Variants in SDF4 observed in about 807,000 individuals in gnomAD.
SDF4 encodes the protein 45 kDa calcium-binding protein.
In SDF4, 22 loss-of-function variants were observed where a neutral mutation model predicts 34.2. The ratio of observed to expected loss-of-function variants is 0.64; its 90% CI spans 0.46 to 0.92. The LOEUF is 0.92. Among genes scored for constraint, SDF4 ranks in the 40% least tolerant of loss-of-function variants. The pLI is 0.00. For missense variants in SDF4, 447 were observed against 499.9 expected, an observed-to-expected ratio of 0.89 and a Z score of 1.01; for synonymous variants, 236 against 203.1, an observed-to-expected ratio of 1.16 and a Z score of -1.38.
intron 1 of SDF4, among the ~76,000 whole-genome samples, chr1:1,230,734 T>C (rs897023523): frequency 6.6e-6 from 1 of 152,240 alleles, no homozygotes; most frequent in African/African-American, 2.4e-5. Context: ...GCTGGGACTA[T>C]AGGCGTGAGC....
chr1:1,220,421 C>T, intron 4 of SDF4: 12 of 1,177,970 alleles, frequency 1.0e-5, no homozygotes, highest in Non-Finnish European at 1.2e-5. Flanking sequence ...CTCGCAGGAG[C>T]CATGCAGGGA....
At position 1,218,601 on chromosome 1, in the gene SDF4, C is replaced by T. The variant is rs759291747; in HGVS notation, c.748G>A (p.Glu250Lys). The T allele has an allele frequency of 7.4e-6, 12 of 1,613,904 alleles. No individual in the cohort carries two copies. Among genetic ancestry groups the T allele is most frequent in the African/African-American group, 5.3e-5 (4 of 74,928 alleles). Residue 250 changes from glutamate to lysine, a missense_variant, in exon 6 of 7, where the codon GAG becomes AAG. Physicochemically the swap from Glu to Lys is moderately conservative, Grantham distance 56. Transcript: ENST00000360001. The surrounding 1 kb of genome is among the most constrained non-coding windows in gnomAD (Gnocchi z 7.9). ...QDGDKQLSVP[E>K]FISLPVGTVE... Reference sequence around the variant, plus strand: ...GTGCCCACGGGCAGGGAGATGAACTCGGGCACAGAGAGCTGCTTGTCACCG... The same window carrying T: ...GTGCCCACGGGCAGGGAGATGAACTTGGGCACAGAGAGCTGCTTGTCACCG...
chr1:1,221,072 C>T, intron 4 of SDF4: 2 of 295,760 alleles, frequency 6.8e-6, no homozygotes, highest in Non-Finnish European at 1.3e-5. Flanking sequence ...CTGGGCAACA[C>T]AGGGAGATCC....
intron 2 of SDF4, 65 bp from the exon 3 acceptor site, chr1:1,224,033 G>T: frequency 1.3e-6 from 2 of 1,591,338 alleles, no homozygotes; most frequent in Non-Finnish European, 1.7e-6. Context: ...ACAGCCAGAC[G>T]GATGCCGCCG....
rs369817388 is a variant in SDF4, at chr1:1,223,332, C to T, written c.468G>A (p.Lys156=). 3 of 1,613,424 alleles carry T rather than the reference C, an allele frequency of 1.9e-6. No individual in the cohort carries two copies. Among genetic ancestry groups the T allele is most frequent in the Admixed American group, 3.3e-5 (2 of 59,988 alleles). The part of the protein sequence containing the change: ...GDGHVSWDEY[K]VKFLASKGHS... ...GGCCTTTACTCGCCAAAAACTTCAC[C>T]TTATACTCGTCCCAAGACACGTGAC... Residue 156 remains lysine (K), a synonymous_variant, in exon 4 of 7, where the codon AAG becomes AAA. Transcript: ENST00000360001.
intron 4 of SDF4, among the ~76,000 whole-genome samples, chr1:1,222,522 G>A (rs368882075): frequency 9.9e-5 from 15 of 152,214 alleles, no homozygotes; most frequent in African/African-American, 3.1e-4. Flanking sequence ...ACCACCTGAC[G>A]GCCACACAGA....
At position 1,218,354 on chromosome 1, in the gene SDF4, C is replaced by T; in HGVS notation, c.891+104G>A. On this transcript the variant is annotated intron_variant, in intron 6 of 6. Transcript: ENST00000360001. The surrounding 1 kb of genome is among the most constrained non-coding windows in gnomAD (Gnocchi z 7.9). ...TGACCAGCCCAGATGGAGTCTCAGGCCAGACACCAGCACAGCTTCCTGCCT... is the reference window on the plus strand; with the variant it reads ...TGACCAGCCCAGATGGAGTCTCAGGTCAGACACCAGCACAGCTTCCTGCCT... The T allele has an allele frequency of 3.1e-6, 4 of 1,284,112 alleles. No homozygotes were observed. Among genetic ancestry groups the T allele is most frequent in the Admixed American group, 2.2e-5 (1 of 45,206 alleles). The allele number at this position is 1,284,112 out of a possible 1,614,324, so 79.5% of individuals were successfully genotyped here.
chr1:1,231,849 T>C (rs1638512094), intron 1 of SDF4, 43 bp downstream of exon 1: 1 of 152,076 alleles, frequency 6.6e-6, no homozygotes, highest in Non-Finnish European at 1.5e-5. Context: ...GGCGTACACT[T>C]GGCCCCGCGG....
intron 1 of SDF4, among the ~76,000 whole-genome samples, chr1:1,229,355 C>T (rs1485181584): frequency 1.3e-5 from 2 of 148,436 alleles, no homozygotes; most frequent in Non-Finnish European, 1.5e-5. Flanking sequence ...CACAGGCGTG[C>T]ACCCCCACGC....
intron 4 of SDF4, among the ~76,000 whole-genome samples, chr1:1,222,367 G>A (rs545990858): frequency 2.6e-5 from 4 of 152,190 alleles, no homozygotes; most frequent in African/African-American, 4.8e-5. Flanking sequence ...GCCTTAGCCC[G>A]GGTGCCGGGC....
intron 4 of SDF4, chr1:1,219,997 C>T (rs1649825377): frequency 1.0e-6 from 1 of 985,752 alleles, no homozygotes; most frequent in Non-Finnish European, 1.2e-6. Context: ...CTGGGGCACC[C>T]CTCCCTGTCT....
At chr1:1,226,320 T>A (rs2100981613) in intron 2 of SDF4, among the ~76,000 whole-genome samples, 1 of 149,336 alleles carries the variant, frequency 6.7e-6, no homozygotes, top group African/African-American at 2.5e-5. Flanking sequence ...GGATGCTCTT[T>A]CCAGAAACCC....
intron 1 of SDF4, among the ~76,000 whole-genome samples, chr1:1,231,214 G>A (rs899940383): frequency 6.6e-6 from 1 of 152,210 alleles, no homozygotes; most frequent in Non-Finnish European, 1.5e-5. Flanking sequence ...TCGCAGCACA[G>A]CGGAGCGGGC....
chr1:1,226,616 G>A (rs1209873703), intron 2 of SDF4, among the ~76,000 whole-genome samples: 4 of 149,766 alleles, frequency 2.7e-5, no homozygotes, highest in South Asian at 2.1e-4. Flanking sequence ...GAAGGGACCC[G>A]CGTGTGGGAA....
rs546055942 is a variant in SDF4, at chr1:1,227,953, C to G, written c.305+515G>C. Among the ~76,000 whole-genome samples, 54 of 152,322 alleles carry G rather than the reference C, an allele frequency of 3.5e-4. No homozygotes were observed. The South Asian group carries it at 0.011, about 30-fold the overall frequency. On this transcript the variant is annotated intron_variant, in intron 2 of 6. Transcript: ENST00000360001. ...AGGCCAGCAAAACAAGCCAACCCCA[C>G]ACACCCCCAGCCTGCGTGTGATACG...
chr1:1,228,492 C>T lies in SDF4; in HGVS notation c.281G>A (p.Arg94Lys), dbSNP rs1304792230. 4 of 1,608,346 alleles carry T rather than the reference C, an allele frequency of 2.5e-6. No homozygotes were observed. The highest frequency in any genetic ancestry group is 2.7e-5 in the African/African-American group (2 of 74,800). Residue 94 changes from arginine to lysine, a missense_variant, in exon 2 of 7, where the codon AGG becomes AAG. Transcript: ENST00000360001. Reference sequence around the variant, plus strand: ...CTTGGAAAAGATGACCATCAGCTTCCTCCGGCTCCGCCGCGGCTCCGCGTC... The same window carrying T: ...CTTGGAAAAGATGACCATCAGCTTCTTCCGGCTCCGCCGCGGCTCCGCGTC... ...DEDAEPRRSR[R>K]KLMVIFSKVD...
intron 4 of SDF4, chr1:1,219,745 C>G: frequency 1.0e-6 from 1 of 986,154 alleles, no homozygotes; most frequent in Non-Finnish European, 1.2e-6. Context: ...CCACCTCCTG[C>G]CCCATCTTGG....
At chr1:1,228,969 C>T in intron 1 of SDF4, 23 bp from the exon 2 acceptor site, 1 of 593,836 alleles carries the variant, frequency 1.7e-6, no homozygotes, top group Middle Eastern at 4.5e-4. Context: ...ACAGACACAT[C>T]ATTAGCAAGA....
At chr1:1,231,480 G>A (rs1299289804) in intron 1 of SDF4, among the ~76,000 whole-genome samples, 2 of 152,256 alleles carry the variant, frequency 1.3e-5, no homozygotes, top group Non-Finnish European at 2.9e-5. Context: ...CCACACAGCC[G>A]ACTTCACATC....
Sources: allele counts gnomAD v4.1 joint callset (sites outside exome capture counted in the v4.1 genomes callset), GRCh38; gene constraint gnomAD v4.1.1; non-coding constraint Gnocchi (gnomAD v3.1); transcripts MANE v1.5; gene names NCBI Gene and HGNC (gene_info 2026-07-23, HGNC 2026-07-21).